RBM6: variants seen among roughly 807,000 people sequenced by gnomAD.
RBM6 encodes the protein RNA-binding protein 6.
In RBM6, 23 loss-of-function variants were observed where a neutral mutation model predicts 140.4. The ratio of observed to expected loss-of-function variants is 0.16; its 90% CI spans 0.12 to 0.23. The LOEUF (loss-of-function observed/expected upper bound fraction) is 0.23, where lower values mean the gene tolerates loss of function less well. Among genes scored for constraint, RBM6 ranks in the 10% least tolerant of loss-of-function variants. The pLI is 1.00. For synonymous variants in RBM6, 439 were observed against 475.6 expected (o/e 0.92, Z 1.00); for missense variants, 1,139 against 1,386.7 (o/e 0.82, Z 2.84).
intron 16 of RBM6, 96 bp from the exon 17 acceptor site, chr3:50,066,146 T>C: frequency 7.5e-7 from 1 of 1,331,200 alleles, no homozygotes; most frequent in Non-Finnish European, 1.0e-6. Context: ...TTGAACCCAA[T>C]TCAATGAAAT....
chr3:49,981,182 G>A (rs1195456972), intron 5 of RBM6, among the ~76,000 whole-genome samples: 2 of 152,190 alleles, frequency 1.3e-5, no homozygotes, highest in Non-Finnish European at 2.9e-5. Context: ...TTACAGGCAT[G>A]AGCCACTGCG....
intron 6 of RBM6, among the ~76,000 whole-genome samples, chr3:50,033,445 A>G (rs892201616): frequency 3.3e-5 from 5 of 152,130 alleles, no homozygotes; most frequent in African/African-American, 1.2e-4. Flanking sequence ...TATAAATAAA[A>G]TATAATAAAA....
At chr3:50,046,408 C>T (rs776917895) in intron 6 of RBM6, among the ~76,000 whole-genome samples, 8 of 151,032 alleles carry the variant, frequency 5.3e-5, no homozygotes, top group Non-Finnish European at 1.2e-4. Flanking sequence ...GGAGAAACCC[C>T]GTCTCTACTA....
chr3:50,011,142 A>G (rs2086828306), intron 6 of RBM6, among the ~76,000 whole-genome samples: 1 of 151,790 alleles, frequency 6.6e-6, no homozygotes, highest in Admixed American at 6.6e-5. Context: ...TAGGAGGATC[A>G]CTTGAGCCCA....
chr3:49,969,318 T>A (rs2108637294), intron 3 of RBM6, among the ~76,000 whole-genome samples: 1 of 145,904 alleles, frequency 6.9e-6, no homozygotes, highest in East Asian at 2.0e-4. Context: ...CCACCGTGCC[T>A]GGCCAGTTTT....
At chr3:50,073,147 C>A (rs1034557291) in intron 19 of RBM6, among the ~76,000 whole-genome samples, 2 of 152,196 alleles carry the variant, frequency 1.3e-5, no homozygotes, top group Admixed American at 6.5e-5. Context: ...CTGATCCATC[C>A]TCCTCCTTTA....
At position 49,972,140 on chromosome 3, in the gene RBM6, AAAG is replaced by A; in HGVS notation, c.1410_1412del (p.Glu471del). 1 of 1,610,042 alleles carries A rather than the reference AAAG, an allele frequency of 6.2e-7. No homozygotes were observed. Among genetic ancestry groups the A allele is most frequent in the Non-Finnish European group, 8.5e-7 (1 of 1,176,396 alleles). ...AAGTGGGGTACCTGAAGATGCCACA[AAAG>A]AAGAGGTAAGGCATGTCTTCTCTCC... On this transcript the variant is annotated inframe_deletion, in exon 4 of 21. Transcript: ENST00000266022.
chr3:50,047,151 G>GA (rs1424044236), intron 6 of RBM6: 3 of 983,952 alleles, frequency 3.0e-6, no homozygotes, highest in Non-Finnish European at 3.6e-6. Context: ...TTTTTGATGT[G>GA]AAAAGCAGAG....
At chr3:50,061,580 T>TTTTTTTTTTTTTTC in intron 14 of RBM6, 33 bp downstream of exon 14, 1 of 1,563,780 alleles carries the variant, frequency 6.4e-7, no homozygotes, top group Non-Finnish European at 8.6e-7. Flanking sequence ...TTTTTTTTTT[T>TTTTTTTTTTTTTTC]TTTTACCTCT....
chr3:50,006,192 T>C (rs2086567113), intron 6 of RBM6, among the ~76,000 whole-genome samples: 1 of 150,758 alleles, frequency 6.6e-6, no homozygotes, highest in Non-Finnish European at 1.5e-5. Flanking sequence ...TCGCCCAGGC[T>C]GTAGCACAGA....
chr3:49,974,806 C>G (rs1215557590), intron 4 of RBM6, among the ~76,000 whole-genome samples: 3 of 150,960 alleles, frequency 2.0e-5, no homozygotes, highest in Non-Finnish European at 4.4e-5. Flanking sequence ...CCTGCCTCAG[C>G]CTTCCAAGTA....
chr3:50,000,763 A>G (rs973790944), intron 6 of RBM6, among the ~76,000 whole-genome samples: 2 of 152,136 alleles, frequency 1.3e-5, no homozygotes, highest in Non-Finnish European at 2.9e-5. Flanking sequence ...AAGAGTAGTT[A>G]TTAGATGAGA....
chr3:49,961,234 C>A (rs2084268813), intron 1 of RBM6, among the ~76,000 whole-genome samples: 1 of 152,060 alleles, frequency 6.6e-6, no homozygotes, highest in South Asian at 2.1e-4. Flanking sequence ...CCTGCCACCA[C>A]ACCTGGCTAA....
intron 18 of RBM6, among the ~76,000 whole-genome samples, chr3:50,070,080 G>A (rs544969898): frequency 7.2e-5 from 11 of 152,284 alleles, no homozygotes; most frequent in African/African-American, 2.6e-4. Context: ...AACAAGGCCG[G>A]GTGCGGTGGC....
At chr3:50,016,157 T>A (rs1401231028) in intron 6 of RBM6, among the ~76,000 whole-genome samples, 2 of 152,206 alleles carry the variant, frequency 1.3e-5, no homozygotes. Flanking sequence ...GTCTGAATAT[T>A]TGATTTTTTT....
chr3:49,991,295 C>T (rs114803149), intron 5 of RBM6, among the ~76,000 whole-genome samples: 2,562 of 152,288 alleles, frequency 0.017, 100 homozygotes, highest in African/African-American at 0.057. Context: ...TCAGGAAGCT[C>T]TCTGAGCCCT....
In RBM6 at chr3:50,004,611, C is replaced by A. The variant is rs146141958; in HGVS notation, c.1557+5098C>A. 2.8e-3 allele frequency among the ~76,000 whole-genome samples: 428 copies of A among 151,658 alleles called. 1 individual carries two copies. The highest frequency in any genetic ancestry group is 9.8e-3 in the African/African-American group (405 of 41,304). ...TCCAGGTGTGAGCCACTATGCCTGG[C>A]CTATTTTTAAATTTTTATTTTTTTG... On this transcript the variant is annotated intron_variant, in intron 6 of 20. Coordinates refer to ENST00000266022, the MANE Select transcript of RBM6 (RefSeq NM_005777.3).
intron 6 of RBM6, among the ~76,000 whole-genome samples, chr3:49,999,845 G>T (rs547678730): frequency 6.6e-6 from 1 of 151,728 alleles, no homozygotes; most frequent in East Asian, 1.9e-4. Context: ...TGCAAAGAAT[G>T]ATCCTTGATT....
chr3:49,956,328 C>CTTTTTTTTTTTTTTTT (rs34467093), intron 1 of RBM6, among the ~76,000 whole-genome samples: 1 of 72,006 alleles, frequency 1.4e-5, no homozygotes, highest in Admixed American at 1.9e-4. Flanking sequence ...CCCTCCCCCG[C>CTTTTTTTTTTTTTTTT]TTTTTTTTTT....
Sources: gnomAD v4.1 joint callset for allele counts (sites outside exome capture counted in the v4.1 genomes callset) on GRCh38, gnomAD v4.1.1 for gene constraint, MANE v1.5 for transcripts, NCBI Gene and HGNC (gene_info 2026-07-23, HGNC 2026-07-21) for gene names.